TBC1D5: variants seen among roughly 807,000 people sequenced by gnomAD.
TBC1D5 encodes TBC1 domain family, member 5.
A neutral mutation model predicts 100.3 loss-of-function variants in TBC1D5; 75 were observed. The ratio of observed to expected loss-of-function variants is 0.75; its 90% confidence interval spans 0.62 to 0.91. The LOEUF is 0.91. TBC1D5 is among the 40% of genes least tolerant of loss of function. The pLI is 0.00. For synonymous variants in TBC1D5, 323 were observed against 325.6 expected, an observed-to-expected ratio of 0.99 and a Z score of 0.09; for missense variants, 910 against 942.4, an observed-to-expected ratio of 0.97 and a Z score of 0.45.
intron 1 of TBC1D5, chr3:17,700,008 G>A (rs1260821225): frequency 6.6e-6 from 1 of 152,010 alleles, no homozygotes. Context: ...GTCCACTTAT[G>A]GTGACTCAAT....
chr3:17,618,297 G>A (rs1332708990), intron 2 of TBC1D5, among the ~76,000 whole-genome samples: 2 of 152,184 alleles, frequency 1.3e-5, no homozygotes, highest in East Asian at 3.9e-4. Flanking sequence ...GCACCCGCCT[G>A]TATGAGGTGT....
At chr3:17,364,033 C>G (rs143007823) in intron 13 of TBC1D5, among the ~76,000 whole-genome samples, 1 of 150,862 alleles carries the variant, frequency 6.6e-6, no homozygotes, top group East Asian at 1.9e-4. Flanking sequence ...GCACCACCAC[C>G]CCCTCCCCGG....
chr3:17,231,526 T>A (rs1025423456), intron 17 of TBC1D5, among the ~76,000 whole-genome samples: 7 of 152,116 alleles, frequency 4.6e-5, no homozygotes, highest in African/African-American at 1.7e-4. Context: ...CAAGGAATCA[T>A]CAAAAGTATT....
At chr3:17,627,920 G>A (rs776048396) in intron 1 of TBC1D5, among the ~76,000 whole-genome samples, 5 of 151,644 alleles carry the variant, frequency 3.3e-5, no homozygotes, top group Non-Finnish European at 7.4e-5. Context: ...ATTCACTTTC[G>A]TATTTTTTCA....
chr3:17,563,984 G>C (rs368261132), intron 2 of TBC1D5, among the ~76,000 whole-genome samples: 1 of 151,958 alleles, frequency 6.6e-6, no homozygotes, highest in Non-Finnish European at 1.5e-5. Context: ...GGGTTTCACC[G>C]TGTTAGCCAG....
chr3:17,173,044 C>T (rs549194104), intron 19 of TBC1D5, among the ~76,000 whole-genome samples: 2 of 152,164 alleles, frequency 1.3e-5, no homozygotes, highest in African/African-American at 4.8e-5. Context: ...GAGCACCACA[C>T]CTAAGCCCAC....
At chr3:17,492,753 C>G (rs2095655094) in intron 3 of TBC1D5, among the ~76,000 whole-genome samples, 2 of 152,194 alleles carry the variant, frequency 1.3e-5, no homozygotes, top group African/African-American at 2.4e-5. Context: ...TCCATCTTAA[C>G]ACTGCTTCAG....
chr3:17,614,756 T>G (rs185781533), intron 2 of TBC1D5, among the ~76,000 whole-genome samples: 1 of 152,340 alleles, frequency 6.6e-6, no homozygotes, highest in Admixed American at 6.5e-5. Flanking sequence ...TTTGTTGAAG[T>G]TGCTTATCAG....
intron 14 of TBC1D5, among the ~76,000 whole-genome samples, chr3:17,303,232 C>G (rs1056584764): frequency 7.2e-5 from 11 of 152,206 alleles, no homozygotes; most frequent in Non-Finnish European, 1.5e-4. Context: ...GACCACCTTG[C>G]TCTTTGATTC....
In TBC1D5 at chr3:17,623,926, A is replaced by G. The variant is rs1489936414; in HGVS notation, c.-100-13T>C. The G allele has an allele frequency of 6.7e-6, 1 of 149,688 alleles. No homozygotes were observed. The highest frequency in any genetic ancestry group is 1.5e-5 in the Non-Finnish European group (1 of 66,638). 9.3% of individuals were successfully genotyped at this position (149,688 alleles called of 1,614,324 possible). A position where few individuals can be genotyped will look rare whatever the true frequency, so the allele number is the denominator to read the frequency against. On this transcript the variant is annotated splice_polypyrimidine_tract_variant and intron_variant, in intron 1 of 21. Transcript: ENST00000253692. The stretch of plus-strand genomic sequence containing the variant: ...GATACTGATATCACTGAAATAAAGA[A>G]AAAAAAAAGGATCTTTAAATCTATG...
At position 17,692,610 on chromosome 3, in the gene TBC1D5, G is replaced by A. The variant is rs1183239754; in HGVS notation, c.-101+46733C>T. ...CCGTTTTTTAAATTGCCAATCCATT[G>A]GAGAGAAAAACTTTTGTAAAATGCA... is the stretch of plus-strand genomic sequence containing the variant. On this transcript the variant is annotated intron_variant, in intron 1 of 21. Transcript: ENST00000253692. 5.3e-5 allele frequency among the ~76,000 whole-genome samples: 8 copies of A among 152,198 alleles called. No homozygotes were observed. In the East Asian group the frequency reaches 1.5e-3, roughly 29 times the overall value.
chr3:17,273,509 A>G (rs988987073), intron 15 of TBC1D5, among the ~76,000 whole-genome samples: 14 of 152,142 alleles, frequency 9.2e-5, no homozygotes, highest in Admixed American at 7.9e-4. Context: ...GAATTGACTC[A>G]TTATCCAACC....
chr3:17,544,759 A>C (rs1462078693), intron 2 of TBC1D5, among the ~76,000 whole-genome samples: 1 of 152,152 alleles, frequency 6.6e-6, no homozygotes, highest in Non-Finnish European at 1.5e-5. Flanking sequence ...AGGAAAGATA[A>C]GGAATATAAT....
At chr3:17,679,717 C>T (rs1024177665) in intron 1 of TBC1D5, among the ~76,000 whole-genome samples, 1 of 151,570 alleles carries the variant, frequency 6.6e-6, no homozygotes, top group African/African-American at 2.4e-5. Context: ...CCCCTCCACA[C>T]AAATTTCTCC....
chr3:17,586,365 C>T (rs1376632210), intron 2 of TBC1D5: 1 of 152,010 alleles, frequency 6.6e-6, no homozygotes, highest in Non-Finnish European at 1.5e-5. Context: ...TGTGGGAGAA[C>T]TTTACTGGTC....
At chr3:17,368,083 A>T (rs1158479744) in intron 13 of TBC1D5, among the ~76,000 whole-genome samples, 1 of 151,926 alleles carries the variant, frequency 6.6e-6, no homozygotes. Flanking sequence ...ACTTGCTAAC[A>T]AAAAATTTTT....
intron 16 of TBC1D5, among the ~76,000 whole-genome samples, chr3:17,240,918 C>G (rs147482386): frequency 2.0e-5 from 3 of 152,230 alleles, no homozygotes; most frequent in African/African-American, 7.2e-5. Flanking sequence ...CTACTAATAA[C>G]CATGAAAAAC....
chr3:17,728,231 G>A (rs2076277534), intron 1 of TBC1D5, among the ~76,000 whole-genome samples: 1 of 152,118 alleles, frequency 6.6e-6, no homozygotes, highest in South Asian at 2.1e-4. Context: ...AAGGAGCCTG[G>A]CTGCCATCAC....
At chr3:17,663,909 A>C (rs1022526117) in intron 1 of TBC1D5, among the ~76,000 whole-genome samples, 3 of 152,214 alleles carry the variant, frequency 2.0e-5, no homozygotes, top group African/African-American at 7.2e-5. Context: ...TATACTATTA[A>C]ATGAAAAAGT....
Sources: gnomAD v4.1 joint callset for allele counts (sites outside exome capture counted in the v4.1 genomes callset) on GRCh38, gnomAD v4.1.1 for gene constraint, MANE v1.5 for transcripts, NCBI Gene and HGNC (gene_info 2026-07-23, HGNC 2026-07-21) for gene names.